The following ZFP64 variants were observed in gnomAD, a reference collection of about 807,000 sequenced individuals.
ZFP64 encodes ZFP64 zinc finger protein.
Under a neutral mutation model 51.6 loss-of-function variants are expected in ZFP64, and 14 were observed. The ratio of observed to expected loss-of-function variants is 0.27; its 90% confidence interval spans 0.18 to 0.42. ZFP64 has a LOEUF of 0.42. Among genes scored for constraint, ZFP64 ranks in the 10% least tolerant of loss-of-function variants. The pLI is 1.00. For missense variants in ZFP64, 754 were observed against 906.8 expected, an observed-to-expected ratio of 0.83 and a Z score of 2.16; for synonymous variants, 375 against 361.4, an observed-to-expected ratio of 1.04 and a Z score of -0.43.
intron 2 of ZFP64, among the ~76,000 whole-genome samples, chr20:52,174,147 T>G (rs1982981582): frequency 6.6e-6 from 1 of 152,200 alleles, no homozygotes; most frequent in African/African-American, 2.4e-5. Context: ...GAACATTTGT[T>G]TAATTAATGA....
intron 5 of ZFP64, among the ~76,000 whole-genome samples, chr20:52,139,624 C>T (rs1232674932): frequency 6.6e-6 from 1 of 152,006 alleles, no homozygotes; most frequent in Non-Finnish European, 1.5e-5. Flanking sequence ...GGTAAAAAAC[C>T]TGCACATGTA....
intron 5 of ZFP64, among the ~76,000 whole-genome samples, chr20:52,123,418 C>T (rs1354373725): frequency 1.3e-5 from 2 of 152,138 alleles, no homozygotes; most frequent in Non-Finnish European, 2.9e-5. Flanking sequence ...TGCAGAAAAA[C>T]TTCATTGTTG....
intron 5 of ZFP64, among the ~76,000 whole-genome samples, chr20:52,102,168 T>C (rs1262793914): frequency 1.3e-5 from 2 of 149,416 alleles, no homozygotes; most frequent in Admixed American, 6.8e-5. Flanking sequence ...AGAACCAATC[T>C]GTACTTTAGC....
chr20:52,089,289 C>T (rs1293699180), intron 7 of ZFP64, among the ~76,000 whole-genome samples: 1 of 152,008 alleles, frequency 6.6e-6, no homozygotes, highest in African/African-American at 2.4e-5. Flanking sequence ...AACTTAGTTA[C>T]TAAAGCAAAG....
At position 52,143,108 on chromosome 20, in the gene ZFP64, C is replaced by T. The variant is rs537464868; in HGVS notation, c.763+17015G>A. 1.9e-4 allele frequency among the ~76,000 whole-genome samples: 27 copies of T among 142,438 alleles called. 3 individuals carry two copies. The highest frequency in any genetic ancestry group is 3.7e-4 in the Non-Finnish European group (24 of 64,174). The allele number at this position is 142,438 out of a possible 152,430, so 93.4% of individuals were successfully genotyped here. ...TTTTTAAAGTCATAATGCTATTGTG[C>T]CCTGAATAGACTATAGTATGGTATA... On this transcript the variant is annotated intron_variant, in intron 5 of 8. Coordinates refer to the ZFP64 transcript ENST00000361387.
intron 5 of ZFP64, among the ~76,000 whole-genome samples, chr20:52,122,709 G>A (rs879810686): frequency 1.3e-5 from 2 of 152,058 alleles, no homozygotes; most frequent in South Asian, 2.1e-4. Context: ...AAATGTCATC[G>A]ATGACTTTGA....
chr20:52,177,294 T>C (rs941427358), intron 2 of ZFP64, among the ~76,000 whole-genome samples: 2 of 152,106 alleles, frequency 1.3e-5, no homozygotes, highest in African/African-American at 4.8e-5. Context: ...GCCACTCTAG[T>C]CCCTTTAACG....
At chr20:52,165,094 A>T in intron 3 of ZFP64, 1 of 482,788 alleles carries the variant, frequency 2.1e-6, no homozygotes, top group Non-Finnish European at 4.1e-6. Context: ...GAAATGAAAG[A>T]CATAAAATCT....
chr20:52,166,945 T>C (rs1982324065), intron 2 of ZFP64, among the ~76,000 whole-genome samples: 5 of 150,860 alleles, frequency 3.3e-5, no homozygotes, highest in Admixed American at 3.3e-4. Flanking sequence ...CATAAGTATT[T>C]CCCCCCCTCA....
chr20:52,095,054 T>G (rs1192214190), intron 7 of ZFP64, among the ~76,000 whole-genome samples: 5 of 152,354 alleles, frequency 3.3e-5, no homozygotes, highest in Admixed American at 3.3e-4. Context: ...AAGAGAAAGC[T>G]TATTTGCATA....
intron 5 of ZFP64, among the ~76,000 whole-genome samples, chr20:52,131,922 C>A (rs149331133): frequency 2.1e-3 from 323 of 152,230 alleles, no homozygotes; most frequent in African/African-American, 7.6e-3. Context: ...AATACACATT[C>A]TTTTCCTCAG....
chr20:52,144,794 G>A (rs1344209873), intron 5 of ZFP64, among the ~76,000 whole-genome samples: 1 of 151,822 alleles, frequency 6.6e-6, no homozygotes, highest in East Asian at 1.9e-4. Flanking sequence ...ACCCCCAAAT[G>A]CTAAAGATAT....
At chr20:52,175,870 G>T in intron 2 of ZFP64, 5 of 346,456 alleles carry the variant, frequency 1.4e-5, no homozygotes, top group Non-Finnish European at 1.7e-5. Flanking sequence ...TGCCGCCCCC[G>T]CCCCCAAAAT....
At chr20:52,084,534 G>A (rs761823461) in exon 9 of ZFP64, 2 of 1,596,500 alleles carry the variant, frequency 1.3e-6, no homozygotes, top group Non-Finnish European at 8.5e-7. Context: ...AGTTCCGACA[G>A]CTGACCACCC....
At chr20:52,111,992 G>A (rs1315602030) in intron 5 of ZFP64, among the ~76,000 whole-genome samples, 1 of 148,146 alleles carries the variant, frequency 6.8e-6, no homozygotes, top group Non-Finnish European at 1.5e-5. Context: ...TGAGGCACGA[G>A]AATCGCTTGA....
rs1273813941 is a variant in ZFP64, at chr20:52,187,064, A to T, written c.54T>A (p.Gly18=). The part of the protein sequence containing the change: ...ESFAGSVQIP[G]GTTVLVELTP... ...TCAGCTCCACCAGCACCGTTGTGCC[A>T]CCTGGAACTCCATGGGACAAAGGGA... The change falls in exon 2 of 6, where the codon GGT becomes GGA. Residue 18 remains glycine (G), a synonymous_variant. Transcript: ENST00000216923. 2 of 1,605,916 alleles carry T rather than the reference A, an allele frequency of 1.2e-6. No homozygotes were observed. Among genetic ancestry groups the T allele is most frequent in the Non-Finnish European group, 1.7e-6 (2 of 1,173,248 alleles).
chr20:52,186,382 G>C (rs1983963449), intron 2 of ZFP64, among the ~76,000 whole-genome samples: 1 of 151,746 alleles, frequency 6.6e-6, no homozygotes. Context: ...CTGATCAGCA[G>C]CACAAGGGGG....
At chr20:52,093,944 T>G (rs1205081954) in intron 7 of ZFP64, among the ~76,000 whole-genome samples, 1 of 152,200 alleles carries the variant, frequency 6.6e-6, no homozygotes, top group Non-Finnish European at 1.5e-5. Context: ...CATTGATGAT[T>G]ATATCACAAT....
intron 5 of ZFP64, among the ~76,000 whole-genome samples, chr20:52,122,389 C>T (rs1219623894): frequency 6.6e-6 from 1 of 151,748 alleles, no homozygotes; most frequent in African/African-American, 2.4e-5. Flanking sequence ...GCCTGTAGTC[C>T]CAGCTACTCC....
Sources: gnomAD v4.1 joint callset for allele counts (sites outside exome capture counted in the v4.1 genomes callset) on GRCh38, gnomAD v4.1.1 for gene constraint, MANE v1.5 for transcripts, NCBI Gene and HGNC (gene_info 2026-07-23, HGNC 2026-07-21) for gene names.